SUMF1: variants seen among roughly 807,000 people sequenced by gnomAD.
SUMF1 encodes the protein formylglycine-generating enzyme.
SUMF1 carries 48 observed loss-of-function variants against 47.6 expected under a neutral mutation model. That is an observed-to-expected ratio of 1.01 (90% CI 0.80 to 1.28). The LOEUF is 1.28. Among genes scored for constraint, SUMF1 ranks in the 50% most tolerant of loss-of-function variants. The pLI, the probability that SUMF1 is intolerant of heterozygous loss-of-function variation, is 0.00. For missense variants in SUMF1, 571 were observed against 485.4 expected, an observed-to-expected ratio of 1.18 and a Z score of -1.66; for synonymous variants, 230 against 192.1, an observed-to-expected ratio of 1.20 and a Z score of -1.63.
chr3:4,225,672 AC>A (rs1559586766), intron 8 of SUMF1, among the ~76,000 whole-genome samples: 1 of 152,154 alleles, frequency 6.6e-6, no homozygotes, highest in African/African-American at 2.4e-5. Flanking sequence ...CGTCTCAGTG[AC>A]CTGAATCATG....
intron 2 of SUMF1, among the ~76,000 whole-genome samples, 167 bp downstream of exon 2, chr3:4,452,709 C>T (rs923420561): frequency 2.0e-5 from 3 of 152,198 alleles, no homozygotes; most frequent in Admixed American, 6.5e-5. Context: ...TAACCTGCCT[C>T]ATGGGGTTGC....
At position 4,306,143 on chromosome 3, in the gene SUMF1, C is replaced by CGT. The variant is rs1445131748; in HGVS notation, c.1014+70185_1014+70186dup. ...GATTAGCTTCAATATTCCTGCCGTG[C>CGT]GTGTGTGTGTGCGTTTGAGACTATT... On this transcript the variant is annotated intron_variant and NMD_transcript_variant, in intron 8 of 12. Transcript: ENST00000448413. Among the ~76,000 whole-genome samples the CGT allele has an allele frequency of 5.9e-5, 9 of 152,174 alleles. No homozygotes were observed. The East Asian group carries it at 7.7e-4, about 13-fold the overall frequency.
intron 1 of SUMF1, among the ~76,000 whole-genome samples, chr3:4,456,845 C>CGT (rs144252545): frequency 0.058 from 4,658 of 80,006 alleles, 87 homozygotes; most frequent in Non-Finnish European, 0.067. Context: ...TATATATATA[C>CGT]GTGTGTGTAT....
chr3:4,106,024 CA>C (rs1236490892), intron 8 of SUMF1, among the ~76,000 whole-genome samples: 1 of 151,586 alleles, frequency 6.6e-6, no homozygotes, highest in African/African-American at 2.4e-5. Flanking sequence ...AACAGTTATG[CA>C]ATAATTGGTC....
At chr3:4,349,812 CAA>C (rs1699449232) in intron 8 of SUMF1, among the ~76,000 whole-genome samples, 1 of 151,856 alleles carries the variant, frequency 6.6e-6, no homozygotes, top group East Asian at 1.9e-4. Context: ...GAGAGGGGAA[CAA>C]CACACACCAG....
downstream of SUMF1, among the ~76,000 whole-genome samples, chr3:4,358,155 C>G (rs1687881): frequency 6.6e-6 from 1 of 151,664 alleles, no homozygotes; most frequent in Non-Finnish European, 1.5e-5. Context: ...TCCCCCAGCC[C>G]CTGCCTTCTT....
chr3:4,052,472 C>A (rs1695128633), intron 9 of SUMF1, among the ~76,000 whole-genome samples: 1 of 152,158 alleles, frequency 6.6e-6, no homozygotes, highest in Non-Finnish European at 1.5e-5. Flanking sequence ...ATGCTTTCCC[C>A]TCCCATCTCA....
intron 7 of SUMF1, among the ~76,000 whole-genome samples, chr3:4,399,328 T>C (rs1701134779): frequency 6.6e-6 from 1 of 152,112 alleles, no homozygotes. Context: ...TAAAAATCTA[T>C]AAAGCTACAG....
chr3:4,458,725 G>A (rs1321231010), intron 1 of SUMF1, among the ~76,000 whole-genome samples: 1 of 152,068 alleles, frequency 6.6e-6, no homozygotes, highest in Non-Finnish European at 1.5e-5. Flanking sequence ...CGTTGGTGGC[G>A]GGCGCCTGTA....
intron 8 of SUMF1, among the ~76,000 whole-genome samples, chr3:4,213,529 A>G (rs1420559597): frequency 6.6e-6 from 1 of 152,208 alleles, no homozygotes; most frequent in African/African-American, 2.4e-5. Context: ...ACCAGCTAGC[A>G]TCATAATGGT....
chr3:4,316,673 GT>G, intron 8 of SUMF1: 3 of 1,551,156 alleles, frequency 1.9e-6, no homozygotes, highest in Non-Finnish European at 2.6e-6. Flanking sequence ...GGATTGTGAC[GT>G]GTGATGAAAA....
At chr3:4,317,234 C>T (rs1396368269) in intron 8 of SUMF1, 2 of 1,535,726 alleles carry the variant, frequency 1.3e-6, no homozygotes, top group South Asian at 2.4e-5. Context: ...GTAATGGTTC[C>T]TATTTTGATT....
At chr3:4,176,489 G>A (rs1694965861) in intron 8 of SUMF1, among the ~76,000 whole-genome samples, 1 of 152,172 alleles carries the variant, frequency 6.6e-6, no homozygotes, top group Non-Finnish European at 1.5e-5. Context: ...AGCAAATGCT[G>A]AGAGATTTTG....
intron 8 of SUMF1, among the ~76,000 whole-genome samples, chr3:4,141,911 T>A (rs1241315589): frequency 6.6e-6 from 1 of 152,112 alleles, no homozygotes; most frequent in African/African-American, 2.4e-5. Flanking sequence ...GGTGGAGCCC[T>A]AGGAACCCAC....
At chr3:4,336,367 G>A (rs1365300771) in intron 8 of SUMF1, among the ~76,000 whole-genome samples, 1 of 152,116 alleles carries the variant, frequency 6.6e-6, no homozygotes, top group Non-Finnish European at 1.5e-5. Flanking sequence ...GTGTGGAAGA[G>A]TCCATTGTGT....
rs10510282 is a variant in SUMF1, at chr3:4,094,092, A to C, written c.1015-25347T>G. Among the ~76,000 whole-genome samples the C allele has an allele frequency of 3.3e-4, 50 of 152,094 alleles. 1 individual carries two copies. Among genetic ancestry groups the C allele is most frequent in the Non-Finnish European group, 5.9e-5 (4 of 68,024 alleles). ...CAGAAAATAAATAAGAAAGACAATC[A>C]AAGTTGCCTGGAGGAAGTAAGGTTT... On this transcript the variant is annotated intron_variant and NMD_transcript_variant, in intron 8 of 12. Coordinates refer to the SUMF1 transcript ENST00000448413.
At chr3:4,065,020 A>G (rs1405885006) in intron 9 of SUMF1, among the ~76,000 whole-genome samples, 1 of 152,166 alleles carries the variant, frequency 6.6e-6, no homozygotes, top group African/African-American at 2.4e-5. Flanking sequence ...GGTTTGCACC[A>G]TGGTGCAGTT....
chr3:4,049,227 G>T (rs1252844923), intron 9 of SUMF1, among the ~76,000 whole-genome samples: 1 of 152,156 alleles, frequency 6.6e-6, no homozygotes, highest in Non-Finnish European at 1.5e-5. Flanking sequence ...AGCTAACAGA[G>T]CATTTCCAGT....
intron 1 of SUMF1, among the ~76,000 whole-genome samples, chr3:4,457,026 ATACGTGTGTGTG>A (rs2079667846): frequency 7.0e-6 from 1 of 143,202 alleles, no homozygotes; most frequent in Admixed American, 7.0e-5. Flanking sequence ...GTACATATAT[ATACGTGTGTGTG>A]TATATATATA....
Sources: allele counts gnomAD v4.1 joint callset (sites outside exome capture counted in the v4.1 genomes callset), GRCh38; gene constraint gnomAD v4.1.1; transcripts MANE v1.5; gene names NCBI Gene and HGNC (gene_info 2026-07-23, HGNC 2026-07-21).